The following INPP4A variants were observed in gnomAD, a reference collection of about 807,000 sequenced individuals.
The protein encoded by INPP4A is inositol polyphosphate-4-phosphatase, type I, 107kD.
Under a neutral mutation model 119.8 loss-of-function variants are expected in INPP4A, and 33 were observed. That is an observed-to-expected ratio of 0.28 (90% CI 0.21 to 0.37). INPP4A has a LOEUF of 0.37. Ranked by LOEUF, INPP4A falls within the 10% of genes least tolerant of loss-of-function variation. INPP4A has a pLI of 1.00. For synonymous variants in INPP4A, 496 were observed against 500.7 expected, an observed-to-expected ratio of 0.99 and a Z score of 0.12; for missense variants, 956 against 1,289.9, an observed-to-expected ratio of 0.74 and a Z score of 3.97.
intron 1 of INPP4A, among the ~76,000 whole-genome samples, chr2:98,506,895 C>T (rs1203917843): frequency 6.6e-6 from 1 of 152,226 alleles, no homozygotes; most frequent in Non-Finnish European, 1.5e-5. Flanking sequence ...TGCATTTTCA[C>T]ACAGCAAGCC....
At chr2:98,483,800 GTGGCTAGC>G (rs1489661530) in intron 1 of INPP4A, among the ~76,000 whole-genome samples, 24 of 152,108 alleles carry the variant, frequency 1.6e-4, no homozygotes, top group Non-Finnish European at 3.4e-4. Flanking sequence ...CCTCTTCTGT[GTGGCTAGC>G]CAAGGTTGCA....
chr2:98,533,371 C>T lies in INPP4A; in HGVS notation c.152-6C>T. 2 of 1,590,948 alleles carry T rather than the reference C, an allele frequency of 1.3e-6. No homozygotes were observed. The highest frequency in any genetic ancestry group is 1.7e-6 in the Non-Finnish European group (2 of 1,160,056). ...GATTCATTTCTTTCCCGTGTTGATT[C>T]TGTAGCTTGCAGTGAGCTGCATACT... On this transcript the variant is annotated splice_polypyrimidine_tract_variant and splice_region_variant and intron_variant, in intron 4 of 24. Coordinates refer to ENST00000409851, the MANE Select transcript of INPP4A (RefSeq NM_001134225.2).
At chr2:98,556,648 A>G (rs1231568122) in intron 16 of INPP4A, among the ~76,000 whole-genome samples, 1 of 152,218 alleles carries the variant, frequency 6.6e-6, no homozygotes, top group Non-Finnish European at 1.5e-5. Context: ...GGTAAGGCCC[A>G]GATGTGCTGG....
At chr2:98,492,467 T>C (rs1390498901) in intron 1 of INPP4A, among the ~76,000 whole-genome samples, 1 of 152,240 alleles carries the variant, frequency 6.6e-6, no homozygotes. Flanking sequence ...GGGTTGGCTC[T>C]ATTGATGTGC....
At chr2:98,508,715 C>T (rs552830971) in intron 1 of INPP4A, among the ~76,000 whole-genome samples, 35 of 152,292 alleles carry the variant, frequency 2.3e-4, no homozygotes, top group Admixed American at 1.8e-3. Flanking sequence ...TTTCAAGTGA[C>T]AATGGAGTAA....
chr2:98,484,733 C>T (rs148523883), intron 1 of INPP4A, among the ~76,000 whole-genome samples: 16 of 152,244 alleles, frequency 1.1e-4, no homozygotes, highest in African/African-American at 3.6e-4. Flanking sequence ...TCTCCCACTC[C>T]GCGTGAGTGC....
intron 17 of INPP4A, among the ~76,000 whole-genome samples, chr2:98,560,235 T>G (rs1695223365): frequency 6.6e-6 from 1 of 152,242 alleles, no homozygotes; most frequent in South Asian, 2.1e-4. Flanking sequence ...TTTTCTTACA[T>G]TCCAAAAATC....
At chr2:98,534,805 G>A (rs779884819) in intron 5 of INPP4A, among the ~76,000 whole-genome samples, 1 of 152,188 alleles carries the variant, frequency 6.6e-6, no homozygotes, top group Non-Finnish European at 1.5e-5. Context: ...AGAGTTGGAG[G>A]GAGTGGAAAG....
intron 21 of INPP4A, among the ~76,000 whole-genome samples, chr2:98,567,465 A>G (rs970889205): frequency 3.9e-5 from 6 of 152,150 alleles, no homozygotes; most frequent in East Asian, 1.9e-4. Context: ...GGAGGCGCCT[A>G]TGTCAGGGAG....
intron 1 of INPP4A, among the ~76,000 whole-genome samples, chr2:98,505,349 C>T (rs1683844147): frequency 6.6e-6 from 1 of 152,174 alleles, no homozygotes; most frequent in South Asian, 2.1e-4. Context: ...AGTGGGCTGA[C>T]CTTGGTGGAG....
intron 1 of INPP4A, among the ~76,000 whole-genome samples, chr2:98,484,913 T>G (rs1440604103): frequency 6.6e-6 from 1 of 152,176 alleles, no homozygotes; most frequent in Non-Finnish European, 1.5e-5. Context: ...TCTTTCAATT[T>G]ATGGTATAAA....
intron 22 of INPP4A, among the ~76,000 whole-genome samples, 193 bp from the exon 23 acceptor site, chr2:98,572,622 G>A (rs1202269407): frequency 6.6e-6 from 1 of 152,212 alleles, no homozygotes; most frequent in East Asian, 1.9e-4. Flanking sequence ...TCCTTTGAAG[G>A]TGGCAGTAAA....
At chr2:98,565,787 T>C in intron 20 of INPP4A, 21 bp downstream of exon 20, 2 of 1,606,158 alleles carry the variant, frequency 1.2e-6, no homozygotes, top group Non-Finnish European at 1.7e-6. Flanking sequence ...GGTTTAAAAT[T>C]CTCTGAGCCA....
intron 1 of INPP4A, among the ~76,000 whole-genome samples, chr2:98,448,580 A>G (rs767635714): frequency 3.3e-5 from 5 of 152,042 alleles, no homozygotes; most frequent in Non-Finnish European, 5.9e-5. Flanking sequence ...TTTGAAGACT[A>G]CTGACTTTTT....
rs1001765232 is a variant in INPP4A at position 98,536,102 on chromosome 2, G to A, written c.388-27G>A. The A allele has an allele frequency of 5.4e-6, 8 of 1,486,994 alleles. No homozygotes were observed. In the African/African-American group the frequency reaches 1.1e-4, roughly 21 times the overall value. The allele number at this position is 1,486,994 out of a possible 1,614,324, so 92.1% of individuals were successfully genotyped here. On this transcript the variant is annotated intron_variant, in intron 6 of 24. Transcript: ENST00000409851. ...TCAGAAGCAAAGCAAGCGCACCAAT[G>A]CTGCCTCTCTTCCTTCTCTTCCTCA...
Position 98,588,342 on chromosome 2 carries a change from G to A in INPP4A, c.*734G>A. The stretch of plus-strand genomic sequence containing the variant: ...GTAAGGTCCCTTTAGCCTGTCTCCT[G>A]TTCTCTGAAGCTCCCTGCCGAGGCT... On this transcript the variant is annotated 3_prime_UTR_variant, in exon 25 of 25. Transcript: ENST00000409851. 5.0e-6 allele frequency: 1 copy of A among 200,634 alleles called. No individual in the cohort carries two copies. The highest frequency in any genetic ancestry group is 7.8e-5 in the East Asian group (1 of 12,810). 12.4% of individuals were successfully genotyped at this position (200,634 alleles called of 1,614,324 possible).
chr2:98,497,421 G>C (rs1356033882), intron 1 of INPP4A, among the ~76,000 whole-genome samples: 1 of 152,206 alleles, frequency 6.6e-6, no homozygotes, highest in Non-Finnish European at 1.5e-5. Context: ...CTGTCCTCCA[G>C]AGCCCAGAAT....
chr2:98,559,541 A>G lies in INPP4A; in HGVS notation c.1855+46A>G, dbSNP rs768336659. The G allele has an allele frequency of 4.4e-6, 7 of 1,584,146 alleles. No individual in the cohort carries two copies. The African/African-American group carries it at 9.4e-5, about 21-fold the overall frequency. ...GCTCCTGCTGATGCCCTTTTAATTG[A>G]TACTCAGGTAGTGTTTTGTAGCTAA... On this transcript the variant is annotated intron_variant, in intron 17 of 24. Transcript: ENST00000409851.
At chr2:98,448,381 A>G (rs1291434498) in intron 1 of INPP4A, among the ~76,000 whole-genome samples, 1 of 151,504 alleles carries the variant, frequency 6.6e-6, no homozygotes, top group Non-Finnish European at 1.5e-5. Context: ...AAAATCATGA[A>G]ATTAATGTTG....
Sources: allele counts gnomAD v4.1 joint callset (sites outside exome capture counted in the v4.1 genomes callset), GRCh38; gene constraint gnomAD v4.1.1; transcripts MANE v1.5; gene names NCBI Gene and HGNC (gene_info 2026-07-23, HGNC 2026-07-21).